The following AKAP6 variants were observed in gnomAD, a reference collection of about 807,000 sequenced individuals.
AKAP6 encodes the protein A-kinase anchor protein 6.
Under a neutral mutation model 188.5 loss-of-function variants are expected in AKAP6, and 58 were observed. The ratio of observed to expected loss-of-function variants is 0.31; its 90% CI spans 0.25 to 0.38. The LOEUF (loss-of-function observed/expected upper bound fraction) is 0.38, where lower values mean the gene tolerates loss of function less well. AKAP6 is among the 10% of genes least tolerant of loss of function. The pLI is 1.00. For synonymous variants in AKAP6, 989 were observed against 998.6 expected, an observed-to-expected ratio of 0.99 and a Z score of 0.18; for missense variants, 2,710 against 2,740.0, an observed-to-expected ratio of 0.99 and a Z score of 0.24.
chr14:32,365,622 T>C (rs1887807642), intron 1 of AKAP6, among the ~76,000 whole-genome samples: 2 of 152,180 alleles, frequency 1.3e-5, no homozygotes, highest in African/African-American at 4.8e-5. Context: ...GTGCCACTCC[T>C]GGGCCACTTG....
At chr14:32,820,466 A>G (rs1239641284) in intron 12 of AKAP6, among the ~76,000 whole-genome samples, 2 of 152,026 alleles carry the variant, frequency 1.3e-5, no homozygotes, top group Non-Finnish European at 2.9e-5. Flanking sequence ...AAGGGTCCCA[A>G]GTGGGCAGGC....
chr14:32,467,152 C>A (rs189617040), intron 2 of AKAP6, among the ~76,000 whole-genome samples: 1 of 146,696 alleles, frequency 6.8e-6, no homozygotes, highest in Non-Finnish European at 1.5e-5. Flanking sequence ...CTGTGACACA[C>A]AATTTACCCA....
chr14:32,741,147 A>G (rs1306326414), intron 11 of AKAP6, among the ~76,000 whole-genome samples: 2 of 151,362 alleles, frequency 1.3e-5, no homozygotes, highest in South Asian at 2.1e-4. Flanking sequence ...TGTAAATGGT[A>G]TCACTTTTAT....
intron 9 of AKAP6, among the ~76,000 whole-genome samples, chr14:32,713,760 T>C (rs2030027900): frequency 6.6e-6 from 1 of 152,228 alleles, no homozygotes; most frequent in Non-Finnish European, 1.5e-5. Context: ...CTTGAGGGAA[T>C]GTTGTGGCTG....
chr14:32,682,883 G>A (rs556881550), intron 8 of AKAP6, among the ~76,000 whole-genome samples: 2 of 152,214 alleles, frequency 1.3e-5, no homozygotes, highest in African/African-American at 4.8e-5. Flanking sequence ...TGTTAGAAAT[G>A]TCATTTCTAG....
intron 4 of AKAP6, among the ~76,000 whole-genome samples, chr14:32,550,746 T>C (rs1883421316): frequency 6.6e-6 from 1 of 152,152 alleles, no homozygotes; most frequent in Non-Finnish European, 1.5e-5. Flanking sequence ...TGCTAGGCAT[T>C]TTACCTATAA....
chr14:32,686,283 A>T (rs1252755590), intron 8 of AKAP6, among the ~76,000 whole-genome samples: 1 of 152,166 alleles, frequency 6.6e-6, no homozygotes, highest in Non-Finnish European at 1.5e-5. Context: ...GTTACTAGAG[A>T]CTGGGAAGGG....
chr14:32,694,386 G>A (rs886278579), intron 8 of AKAP6, among the ~76,000 whole-genome samples: 20 of 150,056 alleles, frequency 1.3e-4, no homozygotes, highest in Non-Finnish European at 2.4e-4. Context: ...AAAAAGCGTG[G>A]TCCATGGACC....
chr14:32,667,559 T>C (rs1489863970), intron 7 of AKAP6, among the ~76,000 whole-genome samples: 1 of 152,106 alleles, frequency 6.6e-6, no homozygotes, highest in Non-Finnish European at 1.5e-5. Flanking sequence ...GATCAAAATT[T>C]ATATTGATTT....
intron 2 of AKAP6, among the ~76,000 whole-genome samples, chr14:32,461,802 A>G (rs571204827): frequency 6.6e-6 from 1 of 152,220 alleles, no homozygotes; most frequent in East Asian, 1.9e-4. Flanking sequence ...GGAGGATGTT[A>G]TAATGCAATG....
intron 11 of AKAP6, among the ~76,000 whole-genome samples, chr14:32,737,839 A>T (rs532398933): frequency 1.3e-5 from 2 of 152,204 alleles, no homozygotes; most frequent in Non-Finnish European, 2.9e-5. Context: ...GAAAACCCAT[A>T]GCTTTGTAGA....
intron 12 of AKAP6, among the ~76,000 whole-genome samples, chr14:32,792,090 T>C (rs1011967053): frequency 6.6e-6 from 1 of 152,166 alleles, no homozygotes; most frequent in Non-Finnish European, 1.5e-5. Flanking sequence ...CTTAGGATTG[T>C]CTGGACTCTG....
In AKAP6 at chr14:32,833,439, G is replaced by GAAAAA. The variant is rs765172343; in HGVS notation, c.*3635_*3636insAAAAA. The GAAAAA allele has an allele frequency of 1.8e-4, 28 of 152,124 alleles. No homozygotes were observed. Among genetic ancestry groups the GAAAAA allele is most frequent in the Non-Finnish European group, 3.7e-4 (25 of 68,028 alleles). The allele number at this position is 152,124 out of a possible 1,614,324, so 9.4% of individuals were successfully genotyped here. On this transcript the variant is annotated 3_prime_UTR_variant, in exon 14 of 14. Coordinates refer to ENST00000280979, the MANE Select transcript of AKAP6 (RefSeq NM_004274.5). Reference sequence around the variant, plus strand: ...AAAACGGTATACAAAAAATCATCTGGATCTGACTACCAGAAAAAGTAAAGT... The same window carrying GAAAAA: ...AAAACGGTATACAAAAAATCATCTGGAAAAAATCTGACTACCAGAAAAAGTAAAGT...
chr14:32,489,693 T>A (rs1439575043), intron 2 of AKAP6, among the ~76,000 whole-genome samples: 1 of 152,260 alleles, frequency 6.6e-6, no homozygotes, highest in Non-Finnish European at 1.5e-5. Flanking sequence ...TGGCCCTTCC[T>A]AAGTAATATA....
chr14:32,413,175 ATTTTTT>A (rs10577801), intron 1 of AKAP6, among the ~76,000 whole-genome samples: 1 of 60,490 alleles, frequency 1.7e-5, no homozygotes, highest in African/African-American at 4.5e-5. Flanking sequence ...ATTTATTGAA[ATTTTTT>A]TTTTTTTTTT....
chr14:32,336,213 G>A (rs777447451), intron 1 of AKAP6, among the ~76,000 whole-genome samples: 1 of 150,958 alleles, frequency 6.6e-6, no homozygotes, highest in African/African-American at 2.4e-5. Flanking sequence ...ACAGGAAAAA[G>A]GTAAGTTTTT....
At chr14:32,757,088 T>A (rs1030497079) in intron 11 of AKAP6, among the ~76,000 whole-genome samples, 3 of 152,128 alleles carry the variant, frequency 2.0e-5, no homozygotes, top group Non-Finnish European at 2.9e-5. Flanking sequence ...ATGGTGGGTG[T>A]CTTTCCATGT....
intron 2 of AKAP6, among the ~76,000 whole-genome samples, chr14:32,527,929 C>T (rs767597645): frequency 6.6e-6 from 1 of 152,122 alleles, no homozygotes; most frequent in East Asian, 1.9e-4. Context: ...ATGTCTTTCA[C>T]AGAACATAAA....
At chr14:32,522,738 G>C (rs1391426230) in intron 2 of AKAP6, among the ~76,000 whole-genome samples, 1 of 152,200 alleles carries the variant, frequency 6.6e-6, no homozygotes, top group East Asian at 1.9e-4. Context: ...TTATACTGTT[G>C]GTGGGAGTGT....
Sources: allele counts gnomAD v4.1 joint callset (sites outside exome capture counted in the v4.1 genomes callset), GRCh38; gene constraint gnomAD v4.1.1; transcripts MANE v1.5; gene names NCBI Gene and HGNC (gene_info 2026-07-23, HGNC 2026-07-21).